Variants in RNASE12 observed in about 807,000 individuals in gnomAD.
RNASE12 encodes probable inactive ribonuclease-like protein 12.
For synonymous variants in RNASE12, 55 were observed against 59.8 expected, an observed-to-expected ratio of 0.92 and a Z score of 0.37; for missense variants, 161 against 177.6, an observed-to-expected ratio of 0.91 and a Z score of 0.53.
upstream of RNASE12, chr14:20,591,371 G>T: frequency 1.1e-6 from 1 of 876,594 alleles, no homozygotes; most frequent in Non-Finnish European, 1.4e-6. Context: ...GCCTGTTGTT[G>T]AATGTGGGGA....
At chr14:20,590,912 A>G, upstream of RNASE12, 5 of 1,431,242 alleles carry the variant, frequency 3.5e-6, no homozygotes, top group Non-Finnish European at 4.6e-6. Context: ...CTGGAGGCAT[A>G]GTTCCCCAAG....
upstream of RNASE12, chr14:20,591,323 C>T (rs1302182996): frequency 8.1e-6 from 8 of 983,494 alleles, no homozygotes; most frequent in Non-Finnish European, 9.7e-6. Context: ...GACAAAATCG[C>T]TTGTGTCTTG....
chr14:20,591,330 C>G, upstream of RNASE12: 1 of 980,362 alleles, frequency 1.0e-6, no homozygotes, highest in Non-Finnish European at 1.2e-6. Flanking sequence ...TCGCTTGTGT[C>G]TTGCTGTTCC....
At chr14:20,590,733 G>A (rs372871773) in exon 1 of RNASE12, 2 of 1,609,392 alleles carry the variant, frequency 1.2e-6, no homozygotes, top group East Asian at 4.5e-5. Flanking sequence ...TCAGAGGTAA[G>A]AGTGACTTCG....
exon 1 of RNASE12, chr14:20,590,565 T>G (rs1884552201): frequency 6.2e-7 from 1 of 1,614,130 alleles, no homozygotes; most frequent in Non-Finnish European, 8.5e-7. Flanking sequence ...CCCTGATAAC[T>G]CTTTGTATGA....
exon 1 of RNASE12, chr14:20,590,526 A>G (rs929270429): frequency 1.9e-6 from 3 of 1,614,254 alleles, no homozygotes; most frequent in Non-Finnish European, 1.7e-6. Flanking sequence ...GGATGAAGAC[A>G]TGCTCCTTTT....
At chr14:20,590,597 C>T in exon 1 of RNASE12, 6 of 1,614,236 alleles carry the variant, frequency 3.7e-6, no homozygotes, top group Non-Finnish European at 5.1e-6. Context: ...CAGTACCTTG[C>T]AGGAACGGGA....
chr14:20,590,913 G>A, upstream of RNASE12: 1 of 1,430,234 alleles, frequency 7.0e-7, no homozygotes, highest in Non-Finnish European at 9.2e-7. Flanking sequence ...TGGAGGCATA[G>A]TTCCCCAAGA....
At chr14:20,591,366 T>C (rs1017857377), upstream of RNASE12, 1 of 899,966 alleles carries the variant, frequency 1.1e-6, no homozygotes. Context: ...AGAGAGCCTG[T>C]TGTTGAATGT....
exon 1 of RNASE12, chr14:20,590,504 G>C (rs753961473): frequency 1.2e-6 from 2 of 1,614,198 alleles, no homozygotes; most frequent in Admixed American, 3.3e-5. Context: ...TTGATTTTTC[G>C]AGGCCTCTCA....
chr14:20,591,359 G>A, upstream of RNASE12: 6 of 924,758 alleles, frequency 6.5e-6, no homozygotes, highest in South Asian at 5.0e-5. Context: ...AACTGATAGA[G>A]AGCCTGTTGT....
exon 1 of RNASE12, chr14:20,590,420 T>C (rs1244095477): frequency 1.2e-6 from 2 of 1,614,080 alleles, no homozygotes; most frequent in South Asian, 1.1e-5. Context: ...ATTTTGAACT[T>C]TGTCTCACTC....
Position 20,590,713 on chromosome 14 carries a change from AT to A in RNASE12, c.10del (p.Met4TrpfsTer2). On this transcript the variant is annotated frameshift_variant, in exon 1 of 1. Coordinates refer to ENST00000556526, the Ensembl canonical transcript of RNASE12. LOFTEE classifies it low-confidence loss of function (END_TRUNC). ...CAGAAGCACCAAGAAAATTATCACCATTATTATCATCAGAGGTAAGAGTGAC... is the reference window on the plus strand; with the variant it reads ...CAGAAGCACCAAGAAAATTATCACCATATTATCATCAGAGGTAAGAGTGAC... 1 of 1,613,624 alleles carries A rather than the reference AT, an allele frequency of 6.2e-7. No individual in the cohort carries two copies. Among genetic ancestry groups the A allele is most frequent in the Non-Finnish European group, 8.5e-7 (1 of 1,179,550 alleles).
Position 20,590,365 on chromosome 14 carries a change from C to T in RNASE12, c.359G>A (p.Arg120Lys), listed in dbSNP as rs764794231. ...CCCCTCTGTGGGGGAATAGTGGTAC[C>T]TGCAGGCAGGGTATCTTGTGCCTTC... The change falls in exon 1 of 1, where the codon AGG (arginine) becomes AAG (lysine). Residue 120 changes from arginine (R) to lysine (K), a missense_variant. By Grantham distance (26) the Arg-to-Lys change is conservative. Coordinates refer to ENST00000556526, the Ensembl canonical transcript of RNASE12. 8 of 1,614,198 alleles carry T rather than the reference C, an allele frequency of 5.0e-6. No homozygotes were observed. In the African/African-American group the frequency reaches 1.1e-4, roughly 22 times the overall value.
At chr14:20,590,886 AC>A, upstream of RNASE12, 1 of 1,444,918 alleles carries the variant, frequency 6.9e-7, no homozygotes. Flanking sequence ...AATCACACTG[AC>A]CTTGCAAGAT....
At chr14:20,591,321 C>T (rs1423677964), upstream of RNASE12, 5 of 984,016 alleles carry the variant, frequency 5.1e-6, no homozygotes, top group African/African-American at 1.7e-5. Flanking sequence ...TTGACAAAAT[C>T]GCTTGTGTCT....
At chr14:20,591,227 A>C, upstream of RNASE12, 1 of 984,672 alleles carries the variant, frequency 1.0e-6, no homozygotes, top group Non-Finnish European at 1.2e-6. Flanking sequence ...CCCTCTGTCA[A>C]TCCTGCTTGG....
At chr14:20,590,514 A>G (rs779008432) in exon 1 of RNASE12, 2 of 1,614,268 alleles carry the variant, frequency 1.2e-6, no homozygotes, top group South Asian at 1.1e-5. Flanking sequence ...GAGGCCTCTC[A>G]TGGATGAAGA....
upstream of RNASE12, chr14:20,590,835 C>G: frequency 6.6e-7 from 1 of 1,504,906 alleles, no homozygotes; most frequent in Non-Finnish European, 8.9e-7. Flanking sequence ...GGCTGCTCCC[C>G]CATCCTTGGA....
Sources: gnomAD v4.1 joint callset for allele counts on GRCh38, gnomAD v4.1.1 for gene constraint, MANE v1.5 for transcripts, NCBI Gene and HGNC (gene_info 2026-07-23, HGNC 2026-07-21) for gene names.